MUC4: variants seen among roughly 807,000 people sequenced by gnomAD.
The protein encoded by MUC4 is mucin 4, cell surface associated, also known as mucin-4.
A neutral mutation model predicts 257.9 loss-of-function variants in MUC4; 202 were observed. The observed-to-expected ratio is 0.78, with a 90% CI of 0.70 to 0.88. The LOEUF (loss-of-function observed/expected upper bound fraction) is 0.88, where lower values mean the gene tolerates loss of function less well. Among genes scored for constraint, MUC4 ranks in the 40% least tolerant of loss-of-function variants. MUC4 has a pLI of 0.00. For missense variants in MUC4, 5,976 were observed against 6,513.7 expected, an observed-to-expected ratio of 0.92 and a Z score of 2.84; for synonymous variants, 2,351 against 2,757.1, an observed-to-expected ratio of 0.85 and a Z score of 4.62.
In MUC4 at chr3:195,790,775, A is replaced by C; in HGVS notation, c.805T>G (p.Ser269Ala). The C allele has an allele frequency of 4.3e-6, 7 of 1,613,880 alleles. No homozygotes were observed. Among genetic ancestry groups the C allele is most frequent in the Non-Finnish European group, 5.1e-6 (6 of 1,179,878 alleles). Reference protein sequence around the residue: ...MTSEKITVTTSTGSTLGNPGE... With the variant: ...MTSEKITVTTATGSTLGNPGE... ...GGGTTTCCAAGAGTGGAGCCTGTGG[A>C]GGTTGTCACTGTTATCTTCTCTGAT... The change falls in exon 2 of 25, where the codon TCC (serine) becomes GCC (alanine). Residue 269 changes from serine to alanine, a missense_variant. Ser to Ala is a moderately conservative substitution (Grantham distance 99). Around this residue, in one of 44 missense-constraint regions of MUC4, gnomAD observed 1,583 missense variants for 1,257.4 expected, o/e 1.26. Coordinates refer to ENST00000463781, the MANE Select transcript of MUC4 (RefSeq NM_018406.7).
Position 195,780,444 on chromosome 3 carries a change from A to G in MUC4, c.11136T>C (p.Pro3712=), listed in dbSNP as rs545387379. 1.3e-6 allele frequency: 2 copies of G among 1,533,598 alleles called. No homozygotes were observed. Among genetic ancestry groups the G allele is most frequent in the African/African-American group, 3.1e-5 (2 of 64,742 alleles). 95.0% of individuals were successfully genotyped at this position (1,533,598 alleles called of 1,614,324 possible). The change falls in exon 2 of 25, where the codon CCT becomes CCC. Residue 3712 remains proline (P), a synonymous_variant. Coordinates refer to ENST00000463781, the MANE Select transcript of MUC4 (RefSeq NM_018406.7). ...PSSSSSGHTT[P]LPVTSTSSVS... is the part of the protein sequence containing the mutation. ...CTGAGGAAGTGCTGGTGACAGGAAG[A>G]GGGGTGGTGTGACCTGAGGATGATG...
chr3:195,788,872 G>T lies in MUC4; in HGVS notation c.2708C>A (p.Ala903Asp). ...CTGAGTCTGGGCCATCCGGGAAATG[G>T]CGGCTGTCTCCTGAGGAGAGGCACT... is the stretch of plus-strand genomic sequence containing the variant. ...SPSASPQETA[A>D]ISRMAQTQRT... is the part of the protein sequence containing the mutation. The change falls in exon 2 of 25, where the codon GCC (alanine) becomes GAC (aspartate). Residue 903 changes from alanine (A) to aspartate (D), a missense_variant. Transcript: ENST00000463781. The T allele has an allele frequency of 6.2e-7, 1 of 1,613,880 alleles. No individual in the cohort carries two copies. The highest frequency in any genetic ancestry group is 8.5e-7 in the Non-Finnish European group (1 of 1,179,830).
intron 2 of MUC4, 70 bp downstream of exon 2, chr3:195,778,720 G>A (rs1725639482): frequency 2.0e-6 from 3 of 1,471,416 alleles, no homozygotes; most frequent in Non-Finnish European, 2.8e-6. Context: ...AGTGTTCTCA[G>A]GTACTCCTTA....
At chr3:195,809,323 C>T (rs1170024383) in intron 1 of MUC4, among the ~76,000 whole-genome samples, 1 of 152,192 alleles carries the variant, frequency 6.6e-6, no homozygotes, top group Non-Finnish European at 1.5e-5. Context: ...CAAACAGACC[C>T]TAGACTCAAG....
At chr3:195,751,680 A>T in intron 21 of MUC4, 1 of 299,072 alleles carries the variant, frequency 3.3e-6, no homozygotes, top group Middle Eastern at 1.1e-3. Context: ...CAAAGAGTGC[A>T]TTGTCTGGCG....
intron 7 of MUC4, 79 bp from the exon 8 acceptor site, chr3:195,766,830 G>T: frequency 7.6e-7 from 1 of 1,314,850 alleles, no homozygotes; most frequent in Non-Finnish European, 1.1e-6. Context: ...CATTCATCCC[G>T]CTAGCCGGTC....
chr3:195,798,648 G>A (rs1418295343), intron 1 of MUC4, among the ~76,000 whole-genome samples: 1 of 151,994 alleles, frequency 6.6e-6, no homozygotes. Context: ...AGCTTGCAGT[G>A]AGCCGAGATT....
rs755021664 is a variant in MUC4, at chr3:195,791,179, G to A, written c.401C>T (p.Thr134Ile). 5.2e-5 allele frequency: 84 copies of A among 1,613,714 alleles called. 1 individual carries two copies. The East Asian group carries it at 1.7e-3, about 33-fold the overall frequency. ...GGTTGTCATTGTTATAGTCTTTGAT[G>A]TCATCATGAGTGTGTTGGTGACACT... is the stretch of plus-strand genomic sequence containing the variant. ...PSSVTNTLMMTSKTITMTTST... is the reference protein window; with the variant it reads ...PSSVTNTLMMISKTITMTTST... Residue 134 changes from threonine to isoleucine, a missense_variant, in exon 2 of 25, where the codon ACA becomes ATA. Thr to Ile is a moderately conservative substitution (Grantham distance 89). This residue lies in a region of MUC4 where 1,583 missense variants were observed against 1,257.4 expected (regional missense o/e 1.26). Coordinates refer to ENST00000463781, the MANE Select transcript of MUC4 (RefSeq NM_018406.7).
At chr3:195,770,425 T>TG (rs1298120068) in intron 5 of MUC4, 54 bp from the exon 6 acceptor site, 6 of 1,603,450 alleles carry the variant, frequency 3.7e-6, no homozygotes, top group Non-Finnish European at 2.6e-6. Context: ...CTCCTACACA[T>TG]GGGCCCCCCA....
intron 1 of MUC4, among the ~76,000 whole-genome samples, chr3:195,798,246 T>C (rs1435230227): frequency 6.6e-6 from 1 of 152,214 alleles, no homozygotes; most frequent in Non-Finnish European, 1.5e-5. Flanking sequence ...ACAAAAGATG[T>C]GCTTAATCTT....
At chr3:195,765,526 A>G in intron 8 of MUC4, 77 bp from the exon 9 acceptor site, 1 of 1,412,844 alleles carries the variant, frequency 7.1e-7, no homozygotes, top group Non-Finnish European at 9.6e-7. Flanking sequence ...AGGGTCAACC[A>G]AAACTCACAA....
intron 16 of MUC4, 82 bp from the exon 17 acceptor site, chr3:195,759,343 A>AC: frequency 6.5e-7 from 1 of 1,537,196 alleles, no homozygotes; most frequent in South Asian, 1.2e-5. Flanking sequence ...CAACTCTAAT[A>AC]TGTGTGAGGC....
chr3:195,753,967 A>G (rs1716998927), intron 19 of MUC4: 3 of 467,722 alleles, frequency 6.4e-6, no homozygotes, highest in Admixed American at 4.2e-5. Flanking sequence ...CCCCTCCCCT[A>G]TGCCTGTACA....
At position 195,765,462 on chromosome 3, in the gene MUC4, A is replaced by AT; in HGVS notation, c.13619-14dup. 6.2e-7 allele frequency: 1 copy of AT among 1,607,182 alleles called. No homozygotes were observed. Among genetic ancestry groups the AT allele is most frequent in the South Asian group, 1.1e-5 (1 of 90,474 alleles). On this transcript the variant is annotated splice_polypyrimidine_tract_variant and intron_variant, in intron 8 of 24. Transcript: ENST00000463781. The stretch of plus-strand genomic sequence containing the variant: ...AGCCCTTGGAGGCCTGAGGTCGGGG[A>AT]TGGGGGGGAAAGGGCTTATCCAGGG...
Position 195,783,857 on chromosome 3 carries a change from T to G in MUC4, c.7723A>C (p.Thr2575Pro), listed in dbSNP as rs1729698779. 1 of 1,506,262 alleles carries G rather than the reference T, an allele frequency of 6.6e-7. No individual in the cohort carries two copies. Among genetic ancestry groups the G allele is most frequent in the Admixed American group, 2.0e-5 (1 of 48,858 alleles). The allele number at this position is 1,506,262 out of a possible 1,614,324, so 93.3% of individuals were successfully genotyped here. A position where few individuals can be genotyped will look rare whatever the true frequency, so the allele number is the denominator to read the frequency against. ...GAAGTGCTGGTGACAGGAAGAGGGG[T>G]GGCGTGACCTGTGGATGCTGCGGAA... ...DTSAASTGHA[T>P]PLPVTSTSSA... Residue 2575 changes from threonine (T) to proline (P), a missense_variant, in exon 2 of 25, where the codon ACC (threonine) becomes CCC (proline). By Grantham distance (38) the Thr-to-Pro change is conservative (BLOSUM62 -1). Transcript: ENST00000463781.
rs540145315 is a variant in MUC4 at position 195,788,717 on chromosome 3, G to T, written c.2863C>A (p.His955Asn). The change falls in exon 2 of 25, where the codon CAC (histidine) becomes AAC (asparagine). Residue 955 changes from histidine (H) to asparagine (N), a missense_variant. This residue lies in a region of MUC4 where 1,583 missense variants were observed against 1,257.4 expected (regional missense o/e 1.26). Coordinates refer to ENST00000463781, the MANE Select transcript of MUC4 (RefSeq NM_018406.7). ...CCAGACCCTGAAGGTGACAGAGTGT[G>T]GGTCTCGGTTTGTGGAGATGTAAGC... ...TGLTSPQTET[H>N]TLSPSGSGKT... 47 of 1,609,206 alleles carry T rather than the reference G, an allele frequency of 2.9e-5. No individual in the cohort carries two copies. The highest frequency in any genetic ancestry group is 4.0e-5 in the Non-Finnish European group (47 of 1,179,116).
chr3:195,747,434 G>T, intron 24 of MUC4, 54 bp from the exon 25 acceptor site: 1 of 1,566,588 alleles, frequency 6.4e-7, no homozygotes, highest in Non-Finnish European at 8.7e-7. Flanking sequence ...CAGCCTCCCA[G>T]CCCCTCCTCT....
intron 1 of MUC4, among the ~76,000 whole-genome samples, chr3:195,796,435 G>A (rs899588955): frequency 2.0e-5 from 3 of 152,180 alleles, no homozygotes; most frequent in Admixed American, 6.5e-5. Context: ...AATCTAGGCC[G>A]GGTGCGGTGG....
Position 195,783,437 on chromosome 3 carries a change from T to G in MUC4, c.8143A>C (p.Thr2715Pro). 1.6e-6 allele frequency: 1 copy of G among 611,092 alleles called. No homozygotes were observed. The highest frequency in any genetic ancestry group is 2.3e-6 in the Non-Finnish European group (1 of 426,638). 37.9% of individuals were successfully genotyped at this position (611,092 alleles called of 1,614,324 possible). A position where few individuals can be genotyped will look rare whatever the true frequency, so the allele number is the denominator to read the frequency against. ...ACAGGAAGAGAGGTGGTGTCACCTG[T>G]GTATGCTGAGGAAGTGTCGGTGACA... ...LPVTDTSSAY[T>P]GDTTSLPVTD... is the part of the protein sequence containing the mutation. Residue 2715 changes from threonine to proline, a missense_variant, in exon 2 of 25, where the codon ACA (threonine) becomes CCA (proline). Physicochemically the swap from Thr to Pro is conservative, Grantham distance 38. This residue lies in a region of MUC4 where 75 missense variants were observed against 58.7 expected (regional missense o/e 1.28). Transcript: ENST00000463781.
Sources: allele counts gnomAD v4.1 joint callset (sites outside exome capture counted in the v4.1 genomes callset), GRCh38; gene constraint gnomAD v4.1.1; regional missense constraint gnomAD v4.1.1; transcripts MANE v1.5; gene names NCBI Gene and HGNC (gene_info 2026-07-23, HGNC 2026-07-21).